The following CENPF variants were observed in gnomAD, a reference collection of about 807,000 sequenced individuals.
CENPF encodes centromere protein F.
In CENPF, 214 loss-of-function variants were observed where a neutral mutation model predicts 307.3. That is an observed-to-expected ratio of 0.70 (90% confidence interval 0.62 to 0.78). The LOEUF is 0.78. Ranked by LOEUF, CENPF falls within the 30% of genes least tolerant of loss-of-function variation. The pLI is 0.00. For synonymous variants in CENPF, 1,259 were observed against 1,270.6 expected, an observed-to-expected ratio of 0.99 and a Z score of 0.19; for missense variants, 3,401 against 3,483.9, an observed-to-expected ratio of 0.98 and a Z score of 0.60.
At position 214,641,884 on chromosome 1, in the gene CENPF, G is replaced by A. The variant is rs1219873093; in HGVS notation, c.3546G>A (p.Glu1182=). The stretch of plus-strand genomic sequence containing the variant: ...TTAGGAACTCTGTGAAAGAAAGAGA[G>A]AGTGAGAGAAATCAATGTAATTTTA... ...EPIRNSVKER[E]SERNQCNFKP... Residue 1182 remains glutamate, a synonymous_variant, in exon 12 of 20, where the codon GAG becomes GAA. Coordinates refer to ENST00000366955, the MANE Select transcript of CENPF (RefSeq NM_016343.4). 6.3e-7 allele frequency: 1 copy of A among 1,596,542 alleles called. No individual in the cohort carries two copies. The highest frequency in any genetic ancestry group is 1.2e-5 in the South Asian group (1 of 86,918).
chr1:214,635,767 A>G (rs1657949104), intron 10 of CENPF, among the ~76,000 whole-genome samples: 1 of 152,200 alleles, frequency 6.6e-6, no homozygotes, highest in South Asian at 2.1e-4. Flanking sequence ...AGTCATGTTA[A>G]TCTTTCCATT....
At chr1:214,621,635 C>T (rs1430038276) in intron 6 of CENPF, among the ~76,000 whole-genome samples, 1 of 152,174 alleles carries the variant, frequency 6.6e-6, no homozygotes, top group East Asian at 1.9e-4. Context: ...TTGATGTTTA[C>T]TGGAGGTAAA....
chr1:214,628,962 T>C, intron 7 of CENPF, 84 bp from the exon 8 acceptor site: 2 of 1,013,110 alleles, frequency 2.0e-6, no homozygotes, highest in South Asian at 2.0e-5. Context: ...AAAACAATTA[T>C]AGCAGTTTTT....
At chr1:214,643,456 C>T (rs759849262) in intron 12 of CENPF, 132 bp downstream of exon 12, 1 of 769,286 alleles carries the variant, frequency 1.3e-6, no homozygotes, top group Non-Finnish European at 1.8e-6. Flanking sequence ...ATAAAATACA[C>T]CAAAATATTT....
intron 1 of CENPF, among the ~76,000 whole-genome samples, chr1:214,607,988 C>T (rs1657084422): frequency 6.6e-6 from 1 of 152,204 alleles, no homozygotes; most frequent in Non-Finnish European, 1.5e-5. Context: ...GCACAGACCC[C>T]CAGACACCAC....
chr1:214,621,031 T>C, intron 6 of CENPF, 85 bp downstream of exon 6: 1 of 1,327,400 alleles, frequency 7.5e-7, no homozygotes, highest in Non-Finnish European at 1.0e-6. Context: ...TCCCATAAAG[T>C]GCTTATGTGT....
chr1:214,641,949 A>G lies in CENPF; in HGVS notation c.3611A>G (p.Asp1204Gly), dbSNP rs910894938. 1.9e-6 allele frequency: 3 copies of G among 1,590,904 alleles called. No homozygotes were observed. Among genetic ancestry groups the G allele is most frequent in the African/African-American group, 1.4e-5 (1 of 73,272 alleles). ...MDLEVKEISLDSYNAQLVQLE... is the reference protein window; with the variant it reads ...MDLEVKEISLGSYNAQLVQLE... The stretch of plus-strand genomic sequence containing the variant: ...CTTGAAGTTAAAGAAATTTCTCTAG[A>G]TAGTTATAATGCGCAGTTGGTGCAA... The change falls in exon 12 of 20, where the codon GAT becomes GGT. Residue 1204 changes from aspartate to glycine, a missense_variant. By Grantham distance (94) the Asp-to-Gly change is moderately conservative. Coordinates refer to ENST00000366955, the MANE Select transcript of CENPF (RefSeq NM_016343.4).
intron 9 of CENPF, among the ~76,000 whole-genome samples, chr1:214,630,993 A>G (rs1326689769): frequency 1.3e-5 from 2 of 152,158 alleles, no homozygotes; most frequent in East Asian, 3.9e-4. Flanking sequence ...CACTTTACTT[A>G]TTTAAGACTC....
chr1:214,620,282 A>T (rs1353754179), intron 5 of CENPF, among the ~76,000 whole-genome samples: 1 of 152,210 alleles, frequency 6.6e-6, no homozygotes, highest in Non-Finnish European at 1.5e-5. Context: ...TCTCTTGGGC[A>T]AAGCTATAGG....
At chr1:214,624,039 G>A (rs1458619547) in intron 7 of CENPF, among the ~76,000 whole-genome samples, 1 of 152,144 alleles carries the variant, frequency 6.6e-6, no homozygotes, top group Non-Finnish European at 1.5e-5. Flanking sequence ...TTCATATGCA[G>A]TTGTACAAAA....
chr1:214,648,064 A>AT (rs1658362100), intron 13 of CENPF: 33 of 418,924 alleles, frequency 7.9e-5, no homozygotes, highest in South Asian at 5.5e-4. Context: ...TAGGAAAGTG[A>AT]TTTTGTCACA....
At position 214,638,003 on chromosome 1, in the gene CENPF, T is replaced by C. The variant is rs374131527; in HGVS notation, c.1582+2T>C. The C allele has an allele frequency of 1.1e-5, 18 of 1,607,066 alleles. No homozygotes were observed. Among genetic ancestry groups the C allele is most frequent in the Non-Finnish European group, 1.5e-5 (18 of 1,178,162 alleles). On this transcript the variant is annotated splice_donor_variant, in intron 11 of 19. Coordinates refer to ENST00000366955, the MANE Select transcript of CENPF (RefSeq NM_016343.4). LOFTEE classifies it high-confidence loss of function. The stretch of plus-strand genomic sequence containing the variant: ...AGAATTTTGCAGAAGAAATGAAAGG[T>C]AAGTAAACTTAGTATTTTAGAGTTA...
intron 10 of CENPF, among the ~76,000 whole-genome samples, chr1:214,636,166 A>G (rs1657961308): frequency 2.0e-5 from 3 of 152,186 alleles, no homozygotes; most frequent in Admixed American, 2.0e-4. Context: ...TAATAATGCT[A>G]CATTGCCCCT....
At chr1:214,652,444 C>CTTTTTT (rs34873218) in intron 15 of CENPF, among the ~76,000 whole-genome samples, 1 of 120,946 alleles carries the variant, frequency 8.3e-6, no homozygotes, top group Non-Finnish European at 1.7e-5. Flanking sequence ...TTTTTCTTTT[C>CTTTTTT]TTTTTTTTTT....
chr1:214,630,402 TG>T, intron 8 of CENPF, 131 bp from the exon 9 acceptor site: 1 of 1,055,974 alleles, frequency 9.5e-7, no homozygotes, highest in Non-Finnish European at 1.4e-6. Flanking sequence ...CATCGTTAAG[TG>T]GACAGTTGGC....
rs142818960 is a variant in CENPF, at chr1:214,648,801, C to T, written c.7957C>T (p.Leu2653=). Residue 2653 remains leucine (L), a synonymous_variant, in exon 14 of 20, where the codon CTG becomes TTG. Coordinates refer to ENST00000366955, the MANE Select transcript of CENPF (RefSeq NM_016343.4). The part of the protein sequence containing the change: ...KNRLAGELQL[L]LEEIKSSKDQ... Reference sequence around the variant, plus strand: ...TAGGCTAGCTGGAGAGTTGCAGTTACTGTTGGAAGAAATAAAGAGCAGCAA... The same window carrying T: ...TAGGCTAGCTGGAGAGTTGCAGTTATTGTTGGAAGAAATAAAGAGCAGCAA... 361 of 1,613,552 alleles carry T rather than the reference C, an allele frequency of 2.2e-4. No homozygotes were observed. Among genetic ancestry groups the T allele is most frequent in the Non-Finnish European group, 2.9e-4 (342 of 1,179,786 alleles).
chr1:214,658,978 A>G lies in CENPF; in HGVS notation c.9091A>G (p.Asn3031Asp). The G allele has an allele frequency of 6.2e-7, 1 of 1,614,082 alleles. No individual in the cohort carries two copies. Among genetic ancestry groups the G allele is most frequent in the Non-Finnish European group, 8.5e-7 (1 of 1,179,984 alleles). The change falls in exon 19 of 20, where the codon AAT becomes GAT. Residue 3031 changes from asparagine to aspartate, a missense_variant. Physicochemically the swap from Asn to Asp is conservative, Grantham distance 23 (BLOSUM62 1). Coordinates refer to ENST00000366955, the MANE Select transcript of CENPF (RefSeq NM_016343.4). ...ALSPLSLGKE[N>D]LAESSKPTAG... The stretch of plus-strand genomic sequence containing the variant: ...ATCCCCACTGAGTCTCGGCAAAGAA[A>G]ATCTTGCAGAGTCCTCCAAACCAAC...
intron 7 of CENPF, among the ~76,000 whole-genome samples, chr1:214,622,984 C>T (rs1657558619): frequency 6.6e-6 from 1 of 152,150 alleles, no homozygotes; most frequent in Admixed American, 6.5e-5. Context: ...GGTTGAGACA[C>T]GCGGATCACT....
intron 6 of CENPF, among the ~76,000 whole-genome samples, chr1:214,621,841 C>G (rs1657514308): frequency 1.3e-5 from 2 of 152,162 alleles, no homozygotes; most frequent in Admixed American, 1.3e-4. Flanking sequence ...TTCCCCCCAC[C>G]AAGTTTCTTT....
Sources: gnomAD v4.1 joint callset for allele counts (sites outside exome capture counted in the v4.1 genomes callset) on GRCh38, gnomAD v4.1.1 for gene constraint, MANE v1.5 for transcripts, NCBI Gene and HGNC (gene_info 2026-07-23, HGNC 2026-07-21) for gene names.